The following MAPKAP1 variants were observed in gnomAD, a reference collection of about 807,000 sequenced individuals.
MAPKAP1 encodes target of rapamycin complex 2 subunit MAPKAP1.
In MAPKAP1, 20 loss-of-function variants were observed where a neutral mutation model predicts 65.7. The observed-to-expected ratio is 0.30, with a 90% CI of 0.21 to 0.44. MAPKAP1 has a LOEUF of 0.44. Ranked by LOEUF, MAPKAP1 falls within the 20% of genes least tolerant of loss-of-function variation. MAPKAP1 has a pLI of 1.00. For synonymous variants in MAPKAP1, 222 were observed against 244.3 expected (o/e 0.91, Z 0.85); for missense variants, 423 against 648.0 (o/e 0.65, Z 3.77).
At chr9:125,539,323 C>T (rs1167284638) in intron 7 of MAPKAP1, among the ~76,000 whole-genome samples, 2 of 152,178 alleles carry the variant, frequency 1.3e-5, no homozygotes, top group Non-Finnish European at 2.9e-5. Context: ...TGCTCCTGTT[C>T]AATCTTTCCA....
chr9:125,687,762 C>A (rs967989465), intron 1 of MAPKAP1, among the ~76,000 whole-genome samples: 2 of 152,098 alleles, frequency 1.3e-5, no homozygotes, highest in African/African-American at 4.8e-5. Flanking sequence ...TCAGCCTGGG[C>A]AACAGAGTGA....
intron 4 of MAPKAP1, among the ~76,000 whole-genome samples, chr9:125,628,099 G>C (rs1255118862): frequency 6.6e-6 from 1 of 152,264 alleles, no homozygotes; most frequent in East Asian, 1.9e-4. Context: ...TGAGAGCAAA[G>C]GACATATAAA....
chr9:125,461,310 C>A (rs182553008), intron 10 of MAPKAP1, among the ~76,000 whole-genome samples: 4 of 152,210 alleles, frequency 2.6e-5, no homozygotes, highest in African/African-American at 9.6e-5. Flanking sequence ...CCCATCTCCC[C>A]GGCACTCCCT....
chr9:125,544,638 G>C (rs922915605), intron 6 of MAPKAP1, among the ~76,000 whole-genome samples: 2 of 152,218 alleles, frequency 1.3e-5, no homozygotes, highest in African/African-American at 4.8e-5. Context: ...AGTAGCTCAT[G>C]TAACAAACGG....
chr9:125,672,400 C>A lies in MAPKAP1; in HGVS notation c.175G>T (p.Gly59Cys). 1 of 1,614,172 alleles carries A rather than the reference C, an allele frequency of 6.2e-7. No homozygotes were observed. The highest frequency in any genetic ancestry group is 2.2e-5 in the East Asian group (1 of 44,890). The change falls in exon 2 of 12, where the codon GGT becomes TGT. Residue 59 changes from glycine (G) to cysteine (C), a missense_variant. Coordinates refer to ENST00000265960, the MANE Select transcript of MAPKAP1 (RefSeq NM_001006617.3). ...GCATATACATAGCCCTGAGTCTCAC[C>A]ATTGCTTCCCTGAATTTCTGACCCA... ...DSGSEIQGSNGETQGYVYAQS... is the reference protein window; with the variant it reads ...DSGSEIQGSNCETQGYVYAQS...
intron 4 of MAPKAP1, among the ~76,000 whole-genome samples, chr9:125,613,414 C>T (rs1053075153): frequency 1.3e-5 from 2 of 152,182 alleles, no homozygotes; most frequent in African/African-American, 2.4e-5. Flanking sequence ...ACCTCCTTCT[C>T]ACGACACTCA....
intron 5 of MAPKAP1, among the ~76,000 whole-genome samples, chr9:125,560,844 A>AT (rs1033633198): frequency 2.2e-4 from 34 of 152,310 alleles, no homozygotes; most frequent in African/African-American, 7.9e-4. Flanking sequence ...GTACTCCCAG[A>AT]TTGCAGTCTT....
At chr9:125,473,882 G>C (rs141064683) in intron 9 of MAPKAP1, among the ~76,000 whole-genome samples, 2 of 152,114 alleles carry the variant, frequency 1.3e-5, no homozygotes, top group Non-Finnish European at 2.9e-5. Flanking sequence ...TCCTAACTAC[G>C]TGACTTGGGA....
chr9:125,687,012 G>A (rs1460179031), intron 1 of MAPKAP1, among the ~76,000 whole-genome samples: 1 of 151,970 alleles, frequency 6.6e-6, no homozygotes, highest in Non-Finnish European at 1.5e-5. Context: ...GTTTAGTAGA[G>A]CCAGGGTTTC....
chr9:125,561,451 T>C (rs1830889973), intron 5 of MAPKAP1, among the ~76,000 whole-genome samples: 1 of 152,242 alleles, frequency 6.6e-6, no homozygotes, highest in Admixed American at 6.5e-5. Context: ...TAGCTATGTT[T>C]GTCACTTTAC....
chr9:125,537,185 T>C (rs1178570113), intron 7 of MAPKAP1, among the ~76,000 whole-genome samples: 1 of 152,210 alleles, frequency 6.6e-6, no homozygotes, highest in Non-Finnish European at 1.5e-5. Flanking sequence ...CTAAGGAAAC[T>C]TGGGTACATT....
At chr9:125,614,675 A>G (rs1832695604) in intron 4 of MAPKAP1, among the ~76,000 whole-genome samples, 3 of 152,224 alleles carry the variant, frequency 2.0e-5, no homozygotes, top group Admixed American at 2.0e-4. Context: ...GAGAAAAATC[A>G]TATGGTAGTA....
At chr9:125,506,274 G>A (rs764086124) in intron 8 of MAPKAP1, 36 bp downstream of exon 8, 19 of 1,558,136 alleles carry the variant, frequency 1.2e-5, no homozygotes, top group South Asian at 1.0e-4. Context: ...AGTTTGCAAC[G>A]GACAAAGCGG....
intron 3 of MAPKAP1, among the ~76,000 whole-genome samples, chr9:125,661,187 A>G (rs1186801954): frequency 1.3e-5 from 2 of 152,226 alleles, no homozygotes; most frequent in African/African-American, 4.8e-5. Context: ...GCAAAAATCT[A>G]AAGATTTGAG....
At position 125,593,426 on chromosome 9, in the gene MAPKAP1, C is replaced by T. The variant is rs181729945; in HGVS notation, c.499-7699G>A. On this transcript the variant is annotated intron_variant, in intron 4 of 11. Coordinates refer to ENST00000265960, the MANE Select transcript of MAPKAP1 (RefSeq NM_001006617.3). Reference sequence around the variant, plus strand: ...CCTGTAATCCTAGCACTTTGGGAGGCTGAGACGGATGGATTGCCTCAGCTC... The same window carrying T: ...CCTGTAATCCTAGCACTTTGGGAGGTTGAGACGGATGGATTGCCTCAGCTC... 4.7e-3 allele frequency among the ~76,000 whole-genome samples: 718 copies of T among 152,248 alleles called. 13 individuals carry two copies. The highest frequency in any genetic ancestry group is 3.7e-3 in the Non-Finnish European group (255 of 68,024).
chr9:125,492,623 C>A (rs1192566322), intron 8 of MAPKAP1, among the ~76,000 whole-genome samples: 2 of 152,188 alleles, frequency 1.3e-5, no homozygotes, highest in African/African-American at 2.4e-5. Context: ...GATGAACTCA[C>A]CGTATATTAC....
chr9:125,566,903 AT>A (rs1447496864), intron 5 of MAPKAP1, among the ~76,000 whole-genome samples: 1 of 152,206 alleles, frequency 6.6e-6, no homozygotes, highest in African/African-American at 2.4e-5. Context: ...CTTTGTTTAG[AT>A]CTAGCAAAGC....
intron 4 of MAPKAP1, among the ~76,000 whole-genome samples, chr9:125,603,816 C>A (rs1378488628): frequency 6.6e-6 from 1 of 151,980 alleles, no homozygotes; most frequent in African/African-American, 2.4e-5. Flanking sequence ...CCTTCACCAG[C>A]TCTTCTGCTC....
rs1299877803 is a variant in MAPKAP1 at position 125,672,560 on chromosome 9, G to A, written c.15C>T (p.Asp5=). Residue 5 remains aspartate, a synonymous_variant, in exon 2 of 12, where the codon GAC becomes GAT. Coordinates refer to ENST00000265960, the MANE Select transcript of MAPKAP1 (RefSeq NM_001006617.3). MAFL[D]NPTIILAHIR... ...TATGAGCTAGAATGATAGTTGGATT[G>A]TCCAAGAAGGCCATCCTTTCTGTGG... The A allele has an allele frequency of 3.1e-6, 5 of 1,613,676 alleles. No homozygotes were observed. The highest frequency in any genetic ancestry group is 3.3e-5 in the Admixed American group (2 of 60,000).
Sources: gnomAD v4.1 joint callset for allele counts (sites outside exome capture counted in the v4.1 genomes callset) on GRCh38, gnomAD v4.1.1 for gene constraint, MANE v1.5 for transcripts, NCBI Gene and HGNC (gene_info 2026-07-23, HGNC 2026-07-21) for gene names.